PPFIA2: variants seen among roughly 807,000 people sequenced by gnomAD.
The protein encoded by PPFIA2 is PPFI scaffold protein A2, also known as liprin-alpha-2.
PPFIA2 carries 46 observed loss-of-function variants against 175.5 expected under a neutral mutation model. That is an observed-to-expected ratio of 0.26 (90% CI 0.21 to 0.34). The LOEUF (loss-of-function observed/expected upper bound fraction) is 0.34. Ranked by LOEUF, PPFIA2 falls within the 10% of genes least tolerant of loss-of-function variation. The pLI is 1.00. For synonymous variants in PPFIA2, 568 were observed against 511.4 expected (o/e 1.11, Z -1.49); for missense variants, 1,179 against 1,506.1 (o/e 0.78, Z 3.60).
intron 9 of PPFIA2, chr12:81,378,165 C>T (rs1049263494): frequency 2.0e-5 from 3 of 151,684 alleles, no homozygotes; most frequent in Non-Finnish European, 4.4e-5. Context: ...AGAATATGGC[C>T]CTGCTGAAAC....
Position 81,604,613 on chromosome 12 carries a change from C to T in PPFIA2, c.303+72178G>A, listed in dbSNP as rs200294689. Among the ~76,000 whole-genome samples the T allele has an allele frequency of 6.3e-5, 9 of 143,276 alleles. No homozygotes were observed. The South Asian group carries it at 2.0e-3, about 32-fold the overall frequency. 94.0% of individuals were successfully genotyped at this position (143,276 alleles called of 152,430 possible). ...AATCGAAAATTATATATATATATTA[C>T]AATATCACACCTCAAATAAAATTTA... On this transcript the variant is annotated intron_variant, in intron 4 of 32. Transcript: ENST00000549396.
At chr12:81,529,122 A>G (rs2064130610) in intron 4 of PPFIA2, among the ~76,000 whole-genome samples, 1 of 152,040 alleles carries the variant, frequency 6.6e-6, no homozygotes, top group Non-Finnish European at 1.5e-5. Context: ...AGAAAGGCAC[A>G]GTCTCTCAGA....
chr12:81,278,599 T>C (rs1467822759), intron 27 of PPFIA2, among the ~76,000 whole-genome samples: 1 of 148,904 alleles, frequency 6.7e-6, no homozygotes, highest in Non-Finnish European at 1.5e-5. Context: ...AAATAGGAGA[T>C]GGAGAAATAA....
chr12:81,641,119 ATCT>A (rs1270183787), intron 4 of PPFIA2, among the ~76,000 whole-genome samples: 1 of 152,150 alleles, frequency 6.6e-6, no homozygotes, highest in South Asian at 2.1e-4. Context: ...AACATTTCAA[ATCT>A]TCTCTTCCAG....
intron 4 of PPFIA2, among the ~76,000 whole-genome samples, chr12:81,575,570 T>C (rs547515104): frequency 1.0e-3 from 154 of 151,884 alleles, no homozygotes; most frequent in African/African-American, 3.5e-3. Context: ...CAGAAAGATA[T>C]ATGGGCTCTG....
intron 4 of PPFIA2, among the ~76,000 whole-genome samples, chr12:81,602,211 A>C (rs2059869401): frequency 6.6e-6 from 1 of 151,314 alleles, no homozygotes; most frequent in Admixed American, 6.6e-5. Context: ...ACAATGTACC[A>C]GAACAGAATA....
intron 4 of PPFIA2, among the ~76,000 whole-genome samples, chr12:81,531,580 G>A (rs1371144490): frequency 1.3e-5 from 2 of 151,564 alleles, no homozygotes. Context: ...AGAGAATGAT[G>A]ATAATTAATA....
chr12:81,580,382 G>A (rs2074224934), intron 4 of PPFIA2, among the ~76,000 whole-genome samples: 1 of 151,694 alleles, frequency 6.6e-6, no homozygotes, highest in African/African-American at 2.4e-5. Context: ...ATGCTATAAG[G>A]ATTCCATACT....
chr12:81,641,168 C>G (rs932080894), intron 4 of PPFIA2, among the ~76,000 whole-genome samples: 1 of 152,078 alleles, frequency 6.6e-6, no homozygotes, highest in African/African-American at 2.4e-5. Flanking sequence ...TAAATATAGT[C>G]TGGAATGGGT....
intron 21 of PPFIA2, among the ~76,000 whole-genome samples, chr12:81,330,987 C>A (rs2056001218): frequency 6.6e-6 from 1 of 152,140 alleles, no homozygotes; most frequent in Non-Finnish European, 1.5e-5. Flanking sequence ...GAGCATGAGT[C>A]ATTTCTAATG....
intron 11 of PPFIA2, among the ~76,000 whole-genome samples, chr12:81,374,066 A>G (rs2035814944): frequency 6.6e-6 from 1 of 152,040 alleles, no homozygotes; most frequent in Admixed American, 6.6e-5. Context: ...TAGTTGCAGA[A>G]TCTACTGGCC....
At chr12:81,725,163 G>C (rs187250741) in intron 3 of PPFIA2, among the ~76,000 whole-genome samples, 2 of 150,670 alleles carry the variant, frequency 1.3e-5, no homozygotes, top group African/African-American at 4.8e-5. Flanking sequence ...CAGATCAAGG[G>C]AACAAAAATA....
chr12:81,520,403 A>C (rs1052812892), intron 4 of PPFIA2, among the ~76,000 whole-genome samples: 1 of 152,204 alleles, frequency 6.6e-6, no homozygotes, highest in African/African-American at 2.4e-5. Context: ...TTTCCATTTA[A>C]TATTTTTGAG....
intron 17 of PPFIA2, among the ~76,000 whole-genome samples, chr12:81,348,281 T>A (rs1452877344): frequency 6.6e-6 from 1 of 152,204 alleles, no homozygotes; most frequent in Non-Finnish European, 1.5e-5. Flanking sequence ...GATAGTATCC[T>A]CAGTAAATGG....
At chr12:81,451,992 CT>C (rs748616246) in intron 5 of PPFIA2, among the ~76,000 whole-genome samples, 2 of 152,146 alleles carry the variant, frequency 1.3e-5, no homozygotes, top group Non-Finnish European at 2.9e-5. Flanking sequence ...CTTTGGTATA[CT>C]CAAAGGATTG....
intron 4 of PPFIA2, among the ~76,000 whole-genome samples, chr12:81,560,302 C>T (rs1452692326): frequency 6.6e-6 from 1 of 151,194 alleles, no homozygotes; most frequent in Non-Finnish European, 1.5e-5. Flanking sequence ...GAGAGAGAGA[C>T]AGAGAGAACA....
At chr12:81,328,780 A>G (rs1055623418) in intron 21 of PPFIA2, among the ~76,000 whole-genome samples, 2 of 149,990 alleles carry the variant, frequency 1.3e-5, no homozygotes, top group Non-Finnish European at 3.0e-5. Flanking sequence ...TAAATAGAGA[A>G]ACTGCAGCTT....
intron 10 of PPFIA2, among the ~76,000 whole-genome samples, chr12:81,375,546 C>T (rs1028466703): frequency 6.6e-6 from 1 of 152,112 alleles, no homozygotes; most frequent in Non-Finnish European, 1.5e-5. Context: ...CTGTTTAGCA[C>T]AGATTCTGGC....
At position 81,259,525 on chromosome 12, in the gene PPFIA2, C is replaced by CA. The variant is rs1320121359; in HGVS notation, c.*168dup. Reference sequence around the variant, plus strand: ...ATCAAATGTAATATCTGACTCCCCCCAAAAATCACATTTTTCAGCTTTTAA... The same window carrying CA: ...ATCAAATGTAATATCTGACTCCCCCCAAAAAATCACATTTTTCAGCTTTTAA... On this transcript the variant is annotated 3_prime_UTR_variant, in exon 33 of 33. Transcript: ENST00000549396. 9.1e-7 allele frequency: 1 copy of CA among 1,097,196 alleles called. No individual in the cohort carries two copies. The highest frequency in any genetic ancestry group is 1.4e-5 in the South Asian group (1 of 70,456). The allele number at this position is 1,097,196 out of a possible 1,614,324, so 68.0% of individuals were successfully genotyped here. A position where few individuals can be genotyped will look rare whatever the true frequency, so the allele number is the denominator to read the frequency against.
Sources: allele counts gnomAD v4.1 joint callset (sites outside exome capture counted in the v4.1 genomes callset), GRCh38; gene constraint gnomAD v4.1.1; transcripts MANE v1.5; gene names NCBI Gene and HGNC (gene_info 2026-07-23, HGNC 2026-07-21).